The following BMI1 variants were observed in gnomAD, a reference collection of about 807,000 sequenced individuals.
BMI1 encodes the protein BMI1 proto-oncogene, polycomb ring finger, also known as polycomb complex protein BMI-1.
A neutral mutation model predicts 39.1 loss-of-function variants in BMI1; 9 were observed. The observed-to-expected ratio is 0.23, with a 90% confidence interval of 0.14 to 0.40. BMI1 has a LOEUF of 0.40. Ranked by LOEUF, BMI1 falls within the 10% of genes least tolerant of loss-of-function variation. The pLI is 1.00. For missense variants in BMI1, 252 were observed against 390.8 expected, an observed-to-expected ratio of 0.64 and a Z score of 2.99; for synonymous variants, 131 against 127.9, an observed-to-expected ratio of 1.02 and a Z score of -0.16.
rs1836244068 is a variant in BMI1, at chr10:22,329,782, C to G, written c.*240C>G. 1.9e-6 allele frequency: 1 copy of G among 514,330 alleles called. No homozygotes were observed. The highest frequency in any genetic ancestry group is 3.4e-6 in the Non-Finnish European group (1 of 295,394). The allele number at this position is 514,330 out of a possible 1,614,324, so 31.9% of individuals were successfully genotyped here. A position where few individuals can be genotyped will look rare whatever the true frequency, so the allele number is the denominator to read the frequency against. Reference sequence around the variant, plus strand: ...TTGGAAAGCAGGCAAGACTTTTTCTCTGTGTTAGGAAAGATGGGAAATGGT... The same window carrying G: ...TTGGAAAGCAGGCAAGACTTTTTCTGTGTGTTAGGAAAGATGGGAAATGGT... On this transcript the variant is annotated 3_prime_UTR_variant, in exon 10 of 10. Coordinates refer to ENST00000376663, the MANE Select transcript of BMI1 (RefSeq NM_005180.9).
At chr10:22,328,789 T>C (rs1836219697) in intron 8 of BMI1, 91 bp downstream of exon 8, 1 of 1,351,732 alleles carries the variant, frequency 7.4e-7, no homozygotes. Context: ...AAAAAAGCAA[T>C]AGAAAAAAAA....
intron 4 of BMI1, 34 bp from the exon 5 acceptor site, chr10:22,327,708 A>G (rs777965132): frequency 6.2e-7 from 1 of 1,613,184 alleles, no homozygotes; most frequent in Non-Finnish European, 8.5e-7. Flanking sequence ...TCTTTGTGTT[A>G]TGCCAAATGT....
Position 22,328,109 on chromosome 10 carries a change from C to T in BMI1, c.426-25C>T, listed in dbSNP as rs771686563. ...ATGCTAATGTTTTATTAGATTGTTT[C>T]ACTAATAAATTTTCTCTTTATTAGA... is the stretch of plus-strand genomic sequence containing the variant. On this transcript the variant is annotated intron_variant, in intron 6 of 9. Coordinates refer to ENST00000376663, the MANE Select transcript of BMI1 (RefSeq NM_005180.9). The T allele has an allele frequency of 2.5e-6, 4 of 1,593,940 alleles. No homozygotes were observed. In the African/African-American group the frequency reaches 4.1e-5, roughly 16 times the overall value.
In BMI1 at chr10:22,327,664, T is replaced by C; in HGVS notation, c.265+14T>C. 6.2e-7 allele frequency: 1 copy of C among 1,613,194 alleles called. No individual in the cohort carries two copies. The highest frequency in any genetic ancestry group is 8.5e-7 in the Non-Finnish European group (1 of 1,179,476). On this transcript the variant is annotated intron_variant, in intron 4 of 9. Coordinates refer to ENST00000376663, the MANE Select transcript of BMI1 (RefSeq NM_005180.9). The stretch of plus-strand genomic sequence containing the variant: ...GGCTTTTCAAAAGTGAGTAACTTGC[T>C]TAGAAAATGAATTTAAAGAGATTAT...
At position 22,326,439 on chromosome 10, in the gene BMI1, A is replaced by G; in HGVS notation, c.-11A>G. 1 of 1,612,136 alleles carries G rather than the reference A, an allele frequency of 6.2e-7. No individual in the cohort carries two copies. Among genetic ancestry groups the G allele is most frequent in the Non-Finnish European group, 8.5e-7 (1 of 1,179,930 alleles). On this transcript the variant is annotated 5_prime_UTR_variant, in exon 2 of 10. Coordinates refer to ENST00000376663, the MANE Select transcript of BMI1 (RefSeq NM_005180.9). ...ATTTCTGTGTCTTGCAGGATTTTTT[A>G]TCAAGCAGAAATGCATCGAACAACG...
chr10:22,328,295 T>G lies in BMI1; in HGVS notation c.471+116T>G, dbSNP rs185347074. 183 of 1,207,612 alleles carry G rather than the reference T, an allele frequency of 1.5e-4. No homozygotes were observed. In the African/African-American group the frequency reaches 2.6e-3, roughly 17 times the overall value. The allele number at this position is 1,207,612 out of a possible 1,614,324, so 74.8% of individuals were successfully genotyped here. A position where few individuals can be genotyped will look rare whatever the true frequency, so the allele number is the denominator to read the frequency against. On this transcript the variant is annotated intron_variant, in intron 7 of 9. Coordinates refer to ENST00000376663, the MANE Select transcript of BMI1 (RefSeq NM_005180.9). Reference sequence around the variant, plus strand: ...TGTTAAATAGAAGAAAATGGTCATGTTTAATGTTTAAGAAAGGTCTACATG... The same window carrying G: ...TGTTAAATAGAAGAAAATGGTCATGGTTAATGTTTAAGAAAGGTCTACATG...
chr10:22,329,838 C>G lies in BMI1; in HGVS notation c.*296C>G, dbSNP rs1043464760. 4.3e-5 allele frequency: 15 copies of G among 352,340 alleles called. No individual in the cohort carries two copies. Among genetic ancestry groups the G allele is most frequent in the Non-Finnish European group, 6.8e-5 (13 of 191,790 alleles). The allele number at this position is 352,340 out of a possible 1,614,324, so 21.8% of individuals were successfully genotyped here. On this transcript the variant is annotated 3_prime_UTR_variant, in exon 10 of 10. Transcript: ENST00000376663. Reference sequence around the variant, plus strand: ...TAACCATTGTTTGGATTTGGAAGTACTCTGCAGTGGACATAAGCATTGGGC... The same window carrying G: ...TAACCATTGTTTGGATTTGGAAGTAGTCTGCAGTGGACATAAGCATTGGGC...
At chr10:22,326,061 C>T (rs1836142306) in intron 1 of BMI1, 1 of 160,124 alleles carries the variant, frequency 6.2e-6, no homozygotes, top group Admixed American at 6.4e-5. Flanking sequence ...AGACCTGGAA[C>T]AAGCCCTAGT....
chr10:22,323,331 A>C (rs1836054607), intron 1 of BMI1, among the ~76,000 whole-genome samples: 1 of 152,236 alleles, frequency 6.6e-6, no homozygotes, highest in African/African-American at 2.4e-5. Context: ...AAGTGTTTGA[A>C]ATAACCTACT....
At chr10:22,327,515 A>G (rs1588620666) in intron 3 of BMI1, 80 bp from the exon 4 acceptor site, 2 of 1,369,642 alleles carry the variant, frequency 1.5e-6, no homozygotes, top group East Asian at 2.3e-5. Context: ...TTATAGCACA[A>G]AAGAAGACTA....
chr10:22,321,796 C>T (rs975913500), intron 1 of BMI1, 100 bp downstream of exon 1: 1 of 144,374 alleles, frequency 6.9e-6, no homozygotes, highest in Admixed American at 6.8e-5. Context: ...CCCCCCCGCG[C>T]CCCGGCCGCG....
intron 8 of BMI1, 53 bp downstream of exon 8, chr10:22,328,751 T>G (rs1327665363): frequency 6.6e-7 from 1 of 1,507,694 alleles, no homozygotes; most frequent in Admixed American, 2.4e-5. Context: ...CAATTTTAAT[T>G]ACATTTTTCA....
intron 1 of BMI1, among the ~76,000 whole-genome samples, chr10:22,325,185 A>G (rs767482960): frequency 2.6e-5 from 4 of 152,208 alleles, no homozygotes; most frequent in Non-Finnish European, 5.9e-5. Context: ...CATTTAATCT[A>G]CAGGAGAGCG....
chr10:22,330,375 A>G lies in BMI1; in HGVS notation c.*833A>G, dbSNP rs7080076. ...CGACCTTTGCAGATACCCATAACCT[A>G]TGTTGAGCCTTGCTTACCAGCAAAG... On this transcript the variant is annotated 3_prime_UTR_variant, in exon 10 of 10. Coordinates refer to ENST00000376663, the MANE Select transcript of BMI1 (RefSeq NM_005180.9). The G allele has an allele frequency of 6.6e-6, 1 of 152,618 alleles. No homozygotes were observed. The highest frequency in any genetic ancestry group is 6.5e-5 in the Admixed American group (1 of 15,284). The allele number at this position is 152,618 out of a possible 1,614,324, so 9.5% of individuals were successfully genotyped here. A position where few individuals can be genotyped will look rare whatever the true frequency, so the allele number is the denominator to read the frequency against.
In BMI1 at chr10:22,326,975, A is replaced by G. The variant is rs897643308; in HGVS notation, c.198A>G (p.Leu66=). 6.2e-7 allele frequency: 1 copy of G among 1,613,876 alleles called. No individual in the cohort carries two copies. Among genetic ancestry groups the G allele is most frequent in the East Asian group, 2.2e-5 (1 of 44,836 alleles). The part of the protein sequence containing the change: ...CDVQVHKTRP[L]LNIRSDKTLQ... ...TCCAAGTTCACAAGACCAGACCACT[A>G]CTGAATATAAGGTAGGAAACTGTTG... The change falls in exon 3 of 10, where the codon CTA becomes CTG. Residue 66 remains leucine, a synonymous_variant. Transcript: ENST00000376663.
chr10:22,326,347 A>C (rs984605820), intron 1 of BMI1, 84 bp from the exon 2 acceptor site: 10 of 1,558,106 alleles, frequency 6.4e-6, no homozygotes, highest in Non-Finnish European at 6.9e-6. Flanking sequence ...GAGTTTTATA[A>C]ATTCAGTGTT....
chr10:22,322,929 C>T (rs1485919137), intron 1 of BMI1, among the ~76,000 whole-genome samples: 1 of 152,126 alleles, frequency 6.6e-6, no homozygotes. Flanking sequence ...TTACCACTTG[C>T]AATAAAAGGA....
At position 22,330,244 on chromosome 10, in the gene BMI1, T is replaced by C. The variant is rs1836255036; in HGVS notation, c.*702T>C. ...CTTGTTGTACAATGCCATATTGGTA[T>C]ATGACATAACAGGAAACAGTATTGT... On this transcript the variant is annotated 3_prime_UTR_variant, in exon 10 of 10. Transcript: ENST00000376663. 6.6e-6 allele frequency: 1 copy of C among 152,590 alleles called. No homozygotes were observed. Among genetic ancestry groups the C allele is most frequent in the East Asian group, 1.9e-4 (1 of 5,150 alleles). 9.5% of individuals were successfully genotyped at this position (152,590 alleles called of 1,614,324 possible).
rs760551695 is a variant in BMI1, at chr10:22,329,476, A to G, written c.915A>G (p.Gln305=). 5.6e-6 allele frequency: 9 copies of G among 1,614,044 alleles called. No homozygotes were observed. The highest frequency in any genetic ancestry group is 1.6e-4 in the Middle Eastern group (1 of 6,084). ...GCAACAGCCCCAGCGGTAACCACCA[A>G]TCTTCTTTTGCCAATAGACCTCGAA... ...GTSNSPSGNH[Q]SSFANRPRKS... The change falls in exon 10 of 10, where the codon CAA becomes CAG. Residue 305 remains glutamine (Q), a synonymous_variant. Transcript: ENST00000376663.
Sources: gnomAD v4.1 joint callset for allele counts (sites outside exome capture counted in the v4.1 genomes callset) on GRCh38, gnomAD v4.1.1 for gene constraint, MANE v1.5 for transcripts, NCBI Gene and HGNC (gene_info 2026-07-23, HGNC 2026-07-21) for gene names.